PCDH11X: variants seen among roughly 807,000 people sequenced by gnomAD.
PCDH11X encodes the protein protocadherin 11 X-linked.
In PCDH11X, 18 loss-of-function variants were observed where a neutral mutation model predicts 53.3. The observed-to-expected ratio is 0.34, with a 90% CI of 0.23 to 0.50. The LOEUF (loss-of-function observed/expected upper bound fraction) is 0.50. Among genes scored for constraint, PCDH11X ranks in the 20% least tolerant of loss-of-function variants. The probability of loss-of-function intolerance (pLI) is 0.98; values close to 1 mark genes in which losing one functional copy is unlikely to be tolerated. For synonymous variants in PCDH11X, 279 were observed against 393.3 expected (o/e 0.71, Z 3.44); for missense variants, 570 against 1,032.4 (o/e 0.55, Z 6.14).
intron 6 of PCDH11X, among the ~76,000 whole-genome samples, chrX:92,043,279 T>G (rs888490866): frequency 2.2e-4 from 24 of 109,765 alleles, no homozygotes; most frequent in African/African-American, 7.0e-4. Flanking sequence ...CTGCAATTAG[T>G]GATCTTAGCT....
At position 92,415,511 on chromosome X, in the gene PCDH11X, C is replaced by CA. The variant is rs753972515; in HGVS notation, c.3343+27584dup. Among the ~76,000 whole-genome samples, 6 of 110,718 alleles carry CA rather than the reference C, an allele frequency of 5.4e-5. No homozygotes were observed. In the East Asian group the frequency reaches 1.7e-3, roughly 31 times the overall value. ...CTTCCTGAATGTTAAGTATATCTCG[C>CA]AAAAAATAGTATTTTTACTTTTACT... On this transcript the variant is annotated intron_variant, in intron 9 of 10. Transcript: ENST00000682573.
intron 6 of PCDH11X, among the ~76,000 whole-genome samples, chrX:92,031,061 A>T (rs1002033141): frequency 1.8e-5 from 2 of 111,125 alleles, no homozygotes; most frequent in African/African-American, 6.6e-5. Flanking sequence ...GGAACCTCCA[A>T]ACTTTTCTCC....
At position 91,832,694 on chromosome X, in the gene PCDH11X, G is replaced by A. The variant is rs187809344; in HGVS notation, c.-44-2767G>A. Among the ~76,000 whole-genome samples the A allele has an allele frequency of 6.7e-4, 74 of 110,211 alleles. No homozygotes were observed. In the East Asian group the frequency reaches 0.018, roughly 27 times the overall value. The stretch of plus-strand genomic sequence containing the variant: ...GTAGAACAGATTTAGAATGGATTGA[G>A]GGAGGGTGACTTCTTGGAACTAGAT... On this transcript the variant is annotated intron_variant, in intron 4 of 10. Transcript: ENST00000682573.
At position 92,622,425 on chromosome X, in the gene PCDH11X, A is replaced by G. The variant is rs1340396343; in HGVS notation, c.*3485A>G. On this transcript the variant is annotated 3_prime_UTR_variant, in exon 11 of 11. Coordinates refer to ENST00000682573, the MANE Select transcript of PCDH11X (RefSeq NM_032968.5). ...TTTTTGTTTGTTTCTTTTTCATGGT[A>G]TTACTGAAGGTGTGTATACTCCCTA... is the stretch of plus-strand genomic sequence containing the variant. 1 of 111,086 alleles carries G rather than the reference A, an allele frequency of 9.0e-6. No homozygotes were observed. The allele number at this position is 111,086 out of a possible 1,213,427, so 9.2% of individuals were successfully genotyped here.
intron 8 of PCDH11X, among the ~76,000 whole-genome samples, chrX:92,309,441 T>C (rs1486993439): frequency 9.0e-6 from 1 of 111,501 alleles, no homozygotes; most frequent in Non-Finnish European, 1.9e-5. Context: ...AAGAGGTGCC[T>C]AGATTAGTCA....
At chrX:92,186,910 G>A (rs762264395) in intron 6 of PCDH11X, among the ~76,000 whole-genome samples, 1 of 111,827 alleles carries the variant, frequency 8.9e-6, no homozygotes, top group Non-Finnish European at 1.9e-5. Context: ...TATGTAGTTT[G>A]TATCAAAATA....
intron 10 of PCDH11X, among the ~76,000 whole-genome samples, chrX:92,470,125 A>G (rs911297193): frequency 1.8e-5 from 2 of 110,189 alleles, no homozygotes; most frequent in African/African-American, 6.6e-5. Flanking sequence ...TGATTAATTT[A>G]TCATATTTTA....
In PCDH11X at chrX:91,977,569, G is replaced by T. The variant is rs752163957; in HGVS notation, c.3033+98296G>T. On this transcript the variant is annotated intron_variant, in intron 6 of 10. Transcript: ENST00000682573. Reference sequence around the variant, plus strand: ...GTCAATGAGCACATGTTAAGCATTTGTAGTGAATATCCTGATTTCCTAGTG... The same window carrying T: ...GTCAATGAGCACATGTTAAGCATTTTTAGTGAATATCCTGATTTCCTAGTG... Among the ~76,000 whole-genome samples, 31 of 111,180 alleles carry T rather than the reference G, an allele frequency of 2.8e-4. No homozygotes were observed. The East Asian group carries it at 3.4e-3, about 12-fold the overall frequency.
intron 6 of PCDH11X, among the ~76,000 whole-genome samples, chrX:91,978,816 G>T (rs1371387734): frequency 8.9e-6 from 1 of 112,372 alleles, no homozygotes; most frequent in Admixed American, 9.5e-5. Flanking sequence ...AGTTTGGTTT[G>T]GTGCCACCAT....
intron 9 of PCDH11X, among the ~76,000 whole-genome samples, chrX:92,423,061 A>G (rs1301940594): frequency 9.7e-6 from 1 of 102,995 alleles, no homozygotes; most frequent in Non-Finnish European, 2.1e-5. Context: ...CATGTTAGCC[A>G]GGATGGTCTT....
At chrX:92,153,194 C>T (rs1160913437) in intron 6 of PCDH11X, among the ~76,000 whole-genome samples, 8 of 109,686 alleles carry the variant, frequency 7.3e-5, no homozygotes, top group Non-Finnish European at 1.5e-4. Flanking sequence ...ATCTGACAAT[C>T]GACCTACAGG....
At chrX:92,036,455 G>A (rs1319618876) in intron 6 of PCDH11X, among the ~76,000 whole-genome samples, 1 of 109,348 alleles carries the variant, frequency 9.1e-6, no homozygotes, top group Non-Finnish European at 1.9e-5. Context: ...ATAGTCTTAC[G>A]AGATTCGATG....
At chrX:92,072,677 GTCT>G (rs1300467378) in intron 6 of PCDH11X, among the ~76,000 whole-genome samples, 1 of 111,473 alleles carries the variant, frequency 9.0e-6, no homozygotes, top group Non-Finnish European at 1.9e-5. Flanking sequence ...GCAATACAAA[GTCT>G]TCTTTATTCT....
intron 6 of PCDH11X, among the ~76,000 whole-genome samples, chrX:92,161,342 G>T (rs1055588894): frequency 9.0e-6 from 1 of 111,550 alleles, no homozygotes; most frequent in African/African-American, 3.3e-5. Flanking sequence ...TAAAGATAGG[G>T]CCCCAATCCC....
At chrX:91,838,693 C>T (rs1330011012) in intron 5 of PCDH11X, among the ~76,000 whole-genome samples, 1 of 108,739 alleles carries the variant, frequency 9.2e-6, no homozygotes, top group South Asian at 4.0e-4. Context: ...TTAAAAATCC[C>T]TTTGTCCTGC....
intron 6 of PCDH11X, among the ~76,000 whole-genome samples, chrX:91,984,209 A>G (rs1015548721): frequency 1.0e-5 from 1 of 99,529 alleles, no homozygotes; most frequent in African/African-American, 3.9e-5. Flanking sequence ...TACTCATTAG[A>G]ATCATATCAC....
At chrX:91,940,082 C>T (rs1160636400) in intron 6 of PCDH11X, among the ~76,000 whole-genome samples, 1 of 110,362 alleles carries the variant, frequency 9.1e-6, no homozygotes, top group African/African-American at 3.3e-5. Context: ...GAGTGGTTTA[C>T]CACCATCCCC....
intron 9 of PCDH11X, chrX:92,420,636 G>A: frequency 8.7e-6 from 2 of 230,178 alleles, no homozygotes; most frequent in Non-Finnish European, 8.3e-6. Context: ...CTATTTTCTG[G>A]CCTTCATGGC....
At chrX:92,118,810 C>T (rs2064693893) in intron 6 of PCDH11X, among the ~76,000 whole-genome samples, 1 of 86,776 alleles carries the variant, frequency 1.2e-5, no homozygotes, top group Non-Finnish European at 2.1e-5. Flanking sequence ...GGTGCAATCT[C>T]GGCTCACTGC....
Sources: allele counts gnomAD v4.1 joint callset (sites outside exome capture counted in the v4.1 genomes callset), GRCh38; gene constraint gnomAD v4.1.1; transcripts MANE v1.5; gene names NCBI Gene and HGNC (gene_info 2026-07-23, HGNC 2026-07-21).